The following DDHD1 variants were observed in gnomAD, a reference collection of about 807,000 sequenced individuals.
The protein encoded by DDHD1 is phospholipase DDHD1.
A neutral mutation model predicts 96.4 loss-of-function variants in DDHD1; 49 were observed. That is an observed-to-expected ratio of 0.51 (90% confidence interval 0.40 to 0.64). DDHD1 has a LOEUF of 0.64. DDHD1 is among the 30% of genes least tolerant of loss of function. The pLI is 0.00. For synonymous variants in DDHD1, 442 were observed against 446.5 expected (o/e 0.99, Z 0.13); for missense variants, 1,106 against 1,161.2 (o/e 0.95, Z 0.69).
chr14:53,096,164 T>A, intron 2 of DDHD1: 5 of 985,292 alleles, frequency 5.1e-6, no homozygotes, highest in Non-Finnish European at 6.0e-6. Flanking sequence ...ACTCTCCTTA[T>A]ATCTTCTCCA....
intron 1 of DDHD1, among the ~76,000 whole-genome samples, chr14:53,136,413 C>T (rs1238572679): frequency 6.6e-6 from 1 of 152,192 alleles, no homozygotes; most frequent in East Asian, 1.9e-4. Flanking sequence ...AGTTTTGAAA[C>T]AGCTAAGAGT....
intron 1 of DDHD1, among the ~76,000 whole-genome samples, chr14:53,130,645 G>A (rs1889800414): frequency 6.6e-6 from 1 of 152,156 alleles, no homozygotes; most frequent in Non-Finnish European, 1.5e-5. Flanking sequence ...ATTCCTCCAG[G>A]ACCTCCTCCC....
chr14:53,109,710 A>G (rs1036725549), intron 1 of DDHD1, among the ~76,000 whole-genome samples: 12 of 152,160 alleles, frequency 7.9e-5, no homozygotes, highest in Non-Finnish European at 1.3e-4. Context: ...TCATTTAACA[A>G]TAATCTTAAA....
chr14:53,059,953 C>G (rs184345024), intron 8 of DDHD1, among the ~76,000 whole-genome samples: 1 of 149,248 alleles, frequency 6.7e-6, no homozygotes, highest in Admixed American at 6.7e-5. Context: ...CATACTCTTA[C>G]GGCTTTTAAA....
At position 53,152,658 on chromosome 14, in the gene DDHD1, C is replaced by G; in HGVS notation, c.441G>C (p.Arg147=). Residue 147 remains arginine (R), a synonymous_variant, in exon 1 of 13, where the codon CGG becomes CGC. Transcript: ENST00000673822. ...GGTGCCGGGCCGCCGGGCCGCCAAGCCGGGTACGTTTCCTTTCCCCGGGGG... is the reference window on the plus strand; with the variant it reads ...GGTGCCGGGCCGCCGGGCCGCCAAGGCGGGTACGTTTCCTTTCCCCGGGGG... ...GGSPGERKRT[R]LGGPAARHRY... The G allele has an allele frequency of 6.2e-7, 1 of 1,613,124 alleles. No individual in the cohort carries two copies. The highest frequency in any genetic ancestry group is 8.5e-7 in the Non-Finnish European group (1 of 1,179,870).
intron 4 of DDHD1, among the ~76,000 whole-genome samples, chr14:53,082,443 T>C (rs1289761501): frequency 7.8e-5 from 5 of 63,824 alleles, no homozygotes; most frequent in African/African-American, 5.8e-4. Context: ...CCAAGATACC[T>C]TTTTTTTTTT....
intron 12 of DDHD1, 39 bp from the exon 13 acceptor site, chr14:53,046,988 T>A: frequency 6.5e-7 from 1 of 1,529,996 alleles, no homozygotes; most frequent in Non-Finnish European, 8.8e-7. Flanking sequence ...ATACAGATTA[T>A]AATAAAATAT....
intron 1 of DDHD1, among the ~76,000 whole-genome samples, chr14:53,130,787 C>G (rs1316491233): frequency 1.3e-5 from 2 of 152,236 alleles, no homozygotes; most frequent in Non-Finnish European, 2.9e-5. Context: ...ACTTGCCCGG[C>G]AGCCACTCCC....
chr14:53,114,129 C>G (rs1049946835), intron 1 of DDHD1, among the ~76,000 whole-genome samples: 1 of 152,328 alleles, frequency 6.6e-6, no homozygotes, highest in Admixed American at 6.5e-5. Context: ...GAATTCACCA[C>G]AGCGGGGCAA....
At chr14:53,113,910 C>T (rs1420345985) in intron 1 of DDHD1, among the ~76,000 whole-genome samples, 1 of 152,158 alleles carries the variant, frequency 6.6e-6, no homozygotes, top group African/African-American at 2.4e-5. Flanking sequence ...AGCCAGGGAG[C>T]CAAGTGGTCT....
Position 53,042,147 on chromosome 14 carries a change from C to CAAATTAAA in DDHD1, c.*4613_*4620dup, listed in dbSNP as rs1881704028. The CAAATTAAA allele has an allele frequency of 6.6e-6, 1 of 152,052 alleles. No individual in the cohort carries two copies. The highest frequency in any genetic ancestry group is 2.4e-5 in the African/African-American group (1 of 41,410). The allele number at this position is 152,052 out of a possible 1,614,324, so 9.4% of individuals were successfully genotyped here. A position where few individuals can be genotyped will look rare whatever the true frequency, so the allele number is the denominator to read the frequency against. ...TGATAGCATTTCTCTAGGTAAATGCCAAATTAAAAAATATGGTTAAATAAA... is the reference window on the plus strand; with the variant it reads ...TGATAGCATTTCTCTAGGTAAATGCCAAATTAAAAAATTAAAAAATATGGTTAAATAAA... On this transcript the variant is annotated 3_prime_UTR_variant, in exon 13 of 13. Transcript: ENST00000673822.
chr14:53,121,191 T>C (rs1888953769), intron 1 of DDHD1, among the ~76,000 whole-genome samples: 1 of 152,184 alleles, frequency 6.6e-6, no homozygotes, highest in African/African-American at 2.4e-5. Context: ...AAGTTCATCA[T>C]CACTAGTCAT....
intron 6 of DDHD1, among the ~76,000 whole-genome samples, chr14:53,069,018 A>G (rs1318611842): frequency 6.6e-6 from 1 of 152,220 alleles, no homozygotes; most frequent in Non-Finnish European, 1.5e-5. Flanking sequence ...TTTATAGTCA[A>G]TATGAACTTA....
chr14:53,119,887 C>G (rs954410247), intron 1 of DDHD1, among the ~76,000 whole-genome samples: 1 of 152,134 alleles, frequency 6.6e-6, no homozygotes, highest in Admixed American at 6.5e-5. Context: ...CCTTTGAAAA[C>G]CAGCACAAGA....
chr14:53,090,349 T>C (rs575777035), intron 4 of DDHD1, among the ~76,000 whole-genome samples: 1 of 152,314 alleles, frequency 6.6e-6, no homozygotes, highest in African/African-American at 2.4e-5. Context: ...AGAAATACCA[T>C]TTGATCCAGC....
intron 4 of DDHD1, among the ~76,000 whole-genome samples, chr14:53,079,061 A>T (rs1885214729): frequency 6.6e-6 from 1 of 151,970 alleles, no homozygotes; most frequent in Non-Finnish European, 1.5e-5. Flanking sequence ...AATCCCACTT[A>T]GTCATGGTAT....
At chr14:53,121,922 T>TAA (rs10673927) in intron 1 of DDHD1, among the ~76,000 whole-genome samples, 28,247 of 146,024 alleles carry the variant, frequency 0.19, 2,803 homozygotes, top group East Asian at 0.34. Context: ...CCCAGAACGT[T>TAA]AAAAAAAAAA....
rs1891565995 is a variant in DDHD1 at position 53,152,935 on chromosome 14, G to A, written c.164C>T (p.Pro55Leu). The A allele has an allele frequency of 6.2e-7, 1 of 1,602,062 alleles. No homozygotes were observed. The highest frequency in any genetic ancestry group is 8.5e-7 in the Non-Finnish European group (1 of 1,176,058). Residue 55 changes from proline to leucine, a missense_variant, in exon 1 of 13, where the codon CCC (proline) becomes CTC (leucine). Pro to Leu is a moderately conservative substitution (Grantham distance 98, BLOSUM62 -3). Transcript: ENST00000673822. ...GGGTTCCCCGCGCAGCAGGGCCAGGGGCACGTCGCCGTCGTCCGGGTCCCC... is the reference window on the plus strand; with the variant it reads ...GGGTTCCCCGCGCAGCAGGGCCAGGAGCACGTCGCCGTCGTCCGGGTCCCC... ...PGGDPDDGDV[P>L]LALLRGEPGL...
intron 2 of DDHD1, among the ~76,000 whole-genome samples, chr14:53,099,609 C>G (rs1479499603): frequency 4.6e-5 from 7 of 152,176 alleles, no homozygotes. Context: ...TTACTGATTA[C>G]TATGCATGTT....
Sources: gnomAD v4.1 joint callset for allele counts (sites outside exome capture counted in the v4.1 genomes callset) on GRCh38, gnomAD v4.1.1 for gene constraint, MANE v1.5 for transcripts, NCBI Gene and HGNC (gene_info 2026-07-23, HGNC 2026-07-21) for gene names.